ROBO2: variants seen among roughly 807,000 people sequenced by gnomAD.
ROBO2 encodes roundabout guidance receptor 2, also known as roundabout homolog 2.
ROBO2 carries 53 observed loss-of-function variants against 160.8 expected under a neutral mutation model. The ratio of observed to expected loss-of-function variants is 0.33; its 90% CI spans 0.26 to 0.41. The LOEUF (loss-of-function observed/expected upper bound fraction) is 0.41, where lower values mean the gene tolerates loss of function less well. Among genes scored for constraint, ROBO2 ranks in the 10% least tolerant of loss-of-function variants. The pLI, the probability that ROBO2 is intolerant of heterozygous loss-of-function variation, is 1.00. For missense variants in ROBO2, 1,577 were observed against 1,722.4 expected, an observed-to-expected ratio of 0.92 and a Z score of 1.49; for synonymous variants, 664 against 611.7, an observed-to-expected ratio of 1.09 and a Z score of -1.26.
chr3:76,637,907 A>G (rs960539380), intron 2 of ROBO2, among the ~76,000 whole-genome samples: 5 of 152,202 alleles, frequency 3.3e-5, no homozygotes, highest in African/African-American at 4.8e-5. Context: ...TTGAAATACT[A>G]TTGAGTCTCT....
chr3:76,415,501 T>A (rs2075718880), intron 2 of ROBO2, among the ~76,000 whole-genome samples: 2 of 152,162 alleles, frequency 1.3e-5, no homozygotes, highest in Non-Finnish European at 2.9e-5. Flanking sequence ...ACTAAATATT[T>A]TAATAATGAC....
In ROBO2 at chr3:76,322,164, GTATATATATATATATATATATATA is replaced by G. The variant is rs200388202; in HGVS notation, c.109+384579_109+384602del. ...ATTTGAAATGATTTCTACTTCTTCC[GTATATATATATATATATATATATA>G]TATATATATATATATAATATACACA... On this transcript the variant is annotated intron_variant, in intron 2 of 26. Coordinates refer to the ROBO2 transcript ENST00000487694. 3.6e-3 allele frequency among the ~76,000 whole-genome samples: 386 copies of G among 108,010 alleles called. 12 individuals carry two copies. In the East Asian group the frequency reaches 0.093, roughly 26 times the overall value. 70.9% of individuals were successfully genotyped at this position (108,010 alleles called of 152,430 possible).
rs1026499800 is a variant in ROBO2, at chr3:76,447,006, A to G, written c.109+509404A>G. 1.0e-3 allele frequency among the ~76,000 whole-genome samples: 159 copies of G among 152,348 alleles called. 1 individual carries two copies. The highest frequency in any genetic ancestry group is 2.0e-3 in the Non-Finnish European group (134 of 68,040). On this transcript the variant is annotated intron_variant, in intron 2 of 26. Transcript: ENST00000487694. Reference sequence around the variant, plus strand: ...ACAAGGACTTCATGTCTAAAACACCAAAAGCAATGGCAACAAAAGCCAAAA... The same window carrying G: ...ACAAGGACTTCATGTCTAAAACACCGAAAGCAATGGCAACAAAAGCCAAAA...
At position 75,979,990 on chromosome 3, in the gene ROBO2, T is replaced by C. The variant is rs539833519; in HGVS notation, c.109+42388T>C. ...TAAAAGTGCTGAATTATATGCATCA[T>C]ACAAAATTAAAAATCAGTCAGTGAC... On this transcript the variant is annotated intron_variant, in intron 2 of 26. Transcript: ENST00000487694. 7.3e-5 allele frequency among the ~76,000 whole-genome samples: 11 copies of C among 151,706 alleles called. No individual in the cohort carries two copies. In the South Asian group the frequency reaches 8.3e-4, roughly 11 times the overall value.
chr3:77,046,071 C>T (rs1005107279), intron 1 of ROBO2, among the ~76,000 whole-genome samples: 1 of 152,124 alleles, frequency 6.6e-6, no homozygotes, highest in African/African-American at 2.4e-5. Context: ...TGAACATCCA[C>T]GTACTAACTT....
chr3:76,718,104 C>T (rs1427442089), intron 2 of ROBO2, among the ~76,000 whole-genome samples: 2 of 152,102 alleles, frequency 1.3e-5, no homozygotes, highest in African/African-American at 2.4e-5. Flanking sequence ...AGTGGATAAA[C>T]GATGTGTATA....
chr3:76,367,164 A>T (rs1479913271), intron 2 of ROBO2, among the ~76,000 whole-genome samples: 1 of 152,034 alleles, frequency 6.6e-6, no homozygotes, highest in African/African-American at 2.4e-5. Flanking sequence ...TTATTATATC[A>T]TGTGGAATAA....
intron 19 of ROBO2, among the ~76,000 whole-genome samples, chr3:77,597,325 A>T (rs1035863003): frequency 1.3e-5 from 2 of 152,076 alleles, no homozygotes; most frequent in Non-Finnish European, 2.9e-5. Flanking sequence ...ATAAATAAAT[A>T]AAAAAGACAA....
chr3:76,343,768 A>G (rs2074369271), intron 2 of ROBO2, among the ~76,000 whole-genome samples: 1 of 151,986 alleles, frequency 6.6e-6, no homozygotes, highest in Admixed American at 6.6e-5. Flanking sequence ...GTATAGTAGA[A>G]AATCTGCAGA....
intron 2 of ROBO2, among the ~76,000 whole-genome samples, chr3:76,382,460 G>A (rs560766482): frequency 1.3e-5 from 2 of 152,160 alleles, no homozygotes; most frequent in East Asian, 3.9e-4. Flanking sequence ...CGGTGGCGGC[G>A]CCTGTAGTCC....
intron 2 of ROBO2, among the ~76,000 whole-genome samples, chr3:76,278,486 C>T (rs1708057970): frequency 6.6e-6 from 1 of 151,898 alleles, no homozygotes; most frequent in Non-Finnish European, 1.5e-5. Context: ...TAATAAATAT[C>T]CTTAGTTTCT....
chr3:77,176,444 G>A (rs969911778), intron 2 of ROBO2, among the ~76,000 whole-genome samples: 1 of 151,848 alleles, frequency 6.6e-6, no homozygotes, highest in Admixed American at 6.6e-5. Context: ...GAAAATTTTA[G>A]GGTTTCTATT....
intron 2 of ROBO2, among the ~76,000 whole-genome samples, chr3:76,272,883 TA>T: frequency 1.7e-5 from 1 of 60,286 alleles, no homozygotes; most frequent in African/African-American, 7.4e-5. Flanking sequence ...AATATATATT[TA>T]TATATAAAAA....
rs2077201985 is a variant in ROBO2, at chr3:76,446,719, C to A, written c.109+509117C>A. Among the ~76,000 whole-genome samples the A allele has an allele frequency of 3.3e-5, 5 of 152,016 alleles. No homozygotes were observed. The South Asian group carries it at 1.0e-3, about 32-fold the overall frequency. On this transcript the variant is annotated intron_variant, in intron 2 of 26. Transcript: ENST00000487694. ...TATAGACCAATGGAACAGAACAGAG[C>A]CCTCAGAAATAATACCACACAGCCA...
intron 2 of ROBO2, among the ~76,000 whole-genome samples, chr3:77,322,758 ATATAT>A (rs1184785336): frequency 3.6e-5 from 5 of 138,758 alleles, no homozygotes; most frequent in East Asian, 2.0e-4. Flanking sequence ...TTTATATATA[ATATAT>A]TATATTATAC....
intron 2 of ROBO2, among the ~76,000 whole-genome samples, chr3:77,019,474 C>T (rs2062489283): frequency 6.6e-6 from 1 of 152,110 alleles, no homozygotes; most frequent in Non-Finnish European, 1.5e-5. Context: ...ACATGCAAAC[C>T]ATAGCACAAC....
chr3:76,294,070 G>A (rs548816442), intron 2 of ROBO2, among the ~76,000 whole-genome samples: 1 of 152,170 alleles, frequency 6.6e-6, no homozygotes, highest in Non-Finnish European at 1.5e-5. Flanking sequence ...ACTACCCCAT[G>A]CATGTGCACA....
chr3:77,193,101 G>A (rs1435576475), intron 2 of ROBO2, among the ~76,000 whole-genome samples: 1 of 151,880 alleles, frequency 6.6e-6, no homozygotes, highest in Non-Finnish European at 1.5e-5. Context: ...TTTTAATGTG[G>A]TAGGAAAATC....
intron 2 of ROBO2, among the ~76,000 whole-genome samples, chr3:76,270,547 A>AT (rs1418479512): frequency 2.6e-5 from 4 of 151,958 alleles, no homozygotes; most frequent in Non-Finnish European, 5.9e-5. Context: ...CCCCCACTTT[A>AT]TTTTTAAGAA....
Sources: allele counts gnomAD v4.1 joint callset (sites outside exome capture counted in the v4.1 genomes callset), GRCh38; gene constraint gnomAD v4.1.1; transcripts MANE v1.5; gene names NCBI Gene and HGNC (gene_info 2026-07-23, HGNC 2026-07-21).